The following AMPD3 variants were observed in gnomAD, a reference collection of about 807,000 sequenced individuals.
The protein encoded by AMPD3 is adenosine monophosphate deaminase 3.
In AMPD3, 57 loss-of-function variants were observed where a neutral mutation model predicts 82.3. The ratio of observed to expected loss-of-function variants is 0.69; its 90% CI spans 0.56 to 0.86. The LOEUF is 0.86. Among genes scored for constraint, AMPD3 ranks in the 40% least tolerant of loss-of-function variants. AMPD3 has a pLI of 0.00. For synonymous variants in AMPD3, 381 were observed against 394.7 expected, an observed-to-expected ratio of 0.97 and a Z score of 0.41; for missense variants, 870 against 1,003.8, an observed-to-expected ratio of 0.87 and a Z score of 1.80.
intron 9 of AMPD3, chr11:10,496,369 C>T (rs1849400231): frequency 1.0e-6 from 1 of 985,432 alleles, no homozygotes; most frequent in African/African-American, 1.7e-5. Context: ...CATTGCTGGC[C>T]TCTCCCTGGA....
chr11:10,460,008 G>T (rs1373046504), intron 1 of AMPD3, among the ~76,000 whole-genome samples: 1 of 148,078 alleles, frequency 6.8e-6, no homozygotes, highest in Admixed American at 6.8e-5. Flanking sequence ...GAAGTTCTTT[G>T]CAGAGTATAT....
intron 10 of AMPD3, among the ~76,000 whole-genome samples, chr11:10,497,243 G>T (rs1380355466): frequency 6.6e-6 from 1 of 152,170 alleles, no homozygotes; most frequent in Non-Finnish European, 1.5e-5. Flanking sequence ...GCCAGGTGGG[G>T]CTGGAAAGGC....
chr11:10,473,803 C>G (rs1245173069), intron 2 of AMPD3, among the ~76,000 whole-genome samples: 1 of 152,184 alleles, frequency 6.6e-6, no homozygotes, highest in Admixed American at 6.5e-5. Flanking sequence ...AATGCAGGGG[C>G]AGCGTGAGCA....
chr11:10,450,559 G>A (rs1847934428), upstream of AMPD3: 1 of 986,740 alleles, frequency 1.0e-6, no homozygotes, highest in Non-Finnish European at 1.2e-6. Flanking sequence ...GCCCGGCGGG[G>A]CCAGCGCAGT....
At chr11:10,503,261 T>C (rs1445947751) in intron 13 of AMPD3, among the ~76,000 whole-genome samples, 2 of 152,224 alleles carry the variant, frequency 1.3e-5, no homozygotes, top group Non-Finnish European at 2.9e-5. Context: ...ATGAAGATAA[T>C]GAATCAAAGG....
intron 2 of AMPD3, among the ~76,000 whole-genome samples, chr11:10,469,032 A>G (rs1848504575): frequency 6.6e-6 from 1 of 152,250 alleles, no homozygotes; most frequent in Non-Finnish European, 1.5e-5. Context: ...TGTCCACAAG[A>G]GAAAGCAGGA....
Position 10,456,312 on chromosome 11 carries a change from C to T in AMPD3, c.-6+864C>T, listed in dbSNP as rs748752289. The T allele has an allele frequency of 1.9e-5, 31 of 1,609,312 alleles. No individual in the cohort carries two copies. Among genetic ancestry groups the T allele is most frequent in the South Asian group, 4.4e-5 (4 of 90,750 alleles). On this transcript the variant is annotated intron_variant, in intron 1 of 14. Coordinates refer to ENST00000396553, the MANE Select transcript of AMPD3 (RefSeq NM_001025389.2). The surrounding 1 kb of genome is among the most constrained non-coding windows in gnomAD (Gnocchi z 4.3). ...CCAGCCAGCTGCACGCACGCACTGA[C>T]TCAGCTGAGCCTCCTGGGTGGCAGG...
At position 10,482,176 on chromosome 11, in the gene AMPD3, C is replaced by A; in HGVS notation, c.540C>A (p.Tyr180Ter). The change falls in exon 4 of 15, where the codon TAC (tyrosine) becomes TAA (stop). Residue 180 changes from tyrosine to a stop codon, truncating the protein, a stop_gained. Coordinates refer to ENST00000396553, the MANE Select transcript of AMPD3 (RefSeq NM_001025389.2). LOFTEE classifies it high-confidence loss of function. ...YHRFPRITSQ[Y>*]LGHPRADTAP... ...GCTTCCCGCGGATCACATCCCAGTA[C>A]CTGGGTCATCCGCGGGCGGATACTG... 6.2e-7 allele frequency: 1 copy of A among 1,613,768 alleles called. No homozygotes were observed. The highest frequency in any genetic ancestry group is 2.2e-5 in the East Asian group (1 of 44,888).
intron 2 of AMPD3, among the ~76,000 whole-genome samples, chr11:10,465,668 C>T (rs1230428307): frequency 6.6e-6 from 1 of 152,190 alleles, no homozygotes; most frequent in Non-Finnish European, 1.5e-5. Flanking sequence ...GCCTGAGGAA[C>T]TGTGCACTCT....
intron 1 of AMPD3, chr11:10,455,975 G>A (rs1322792161): frequency 3.3e-5 from 33 of 985,306 alleles, no homozygotes; most frequent in African/African-American, 7.0e-5. Context: ...GAGGCTGGGC[G>A]TTAGAGGGAG....
intron 1 of AMPD3, chr11:10,461,296 T>C (rs1313632800): frequency 6.5e-7 from 1 of 1,533,120 alleles, no homozygotes; most frequent in Non-Finnish European, 8.8e-7. Flanking sequence ...TTTTGAACAC[T>C]TGCTTTCTCC....
intron 2 of AMPD3, among the ~76,000 whole-genome samples, chr11:10,470,633 C>T (rs1162400597): frequency 6.6e-6 from 1 of 152,146 alleles, no homozygotes; most frequent in African/African-American, 2.4e-5. Flanking sequence ...GATAAAAAAT[C>T]AATGTGCAAA....
intron 8 of AMPD3, chr11:10,495,285 CGT>C: frequency 4.1e-6 from 4 of 985,434 alleles, no homozygotes; most frequent in Non-Finnish European, 4.8e-6. Flanking sequence ...GCCTGGCTTT[CGT>C]GTCTCTGCAG....
At chr11:10,504,113 C>T (rs1035146463) in intron 13 of AMPD3, 1 of 812,146 alleles carries the variant, frequency 1.2e-6, no homozygotes, top group Non-Finnish European at 1.4e-6. Context: ...TAGTACTTTA[C>T]TCATCTATCT....
chr11:10,466,829 A>G (rs1848436508), intron 2 of AMPD3, among the ~76,000 whole-genome samples: 1 of 152,212 alleles, frequency 6.6e-6, no homozygotes. Context: ...TCTGGGATGA[A>G]GCTTCCAGAG....
intron 2 of AMPD3, among the ~76,000 whole-genome samples, chr11:10,471,017 C>A (rs1848574275): frequency 1.3e-5 from 2 of 152,164 alleles, no homozygotes; most frequent in Non-Finnish European, 2.9e-5. Flanking sequence ...CAATTCTAAG[C>A]AAGAAGAACA....
At chr11:10,468,773 G>A (rs894370415) in intron 2 of AMPD3, among the ~76,000 whole-genome samples, 9 of 152,098 alleles carry the variant, frequency 5.9e-5, no homozygotes, top group Non-Finnish European at 1.3e-4. Context: ...GCAAAAGAAT[G>A]GAAATCATAA....
intron 6 of AMPD3, among the ~76,000 whole-genome samples, chr11:10,491,140 C>T (rs949513783): frequency 6.6e-6 from 1 of 152,212 alleles, no homozygotes; most frequent in Non-Finnish European, 1.5e-5. Context: ...GGGCTGAGCG[C>T]CCAGTCGGCC....
upstream of AMPD3, among the ~76,000 whole-genome samples, chr11:10,452,904 G>T (rs538712451): frequency 2.0e-5 from 3 of 152,244 alleles, no homozygotes; most frequent in African/African-American, 7.2e-5. Flanking sequence ...ACAACTAAGT[G>T]GTGGAACAGG....
Sources: gnomAD v4.1 joint callset for allele counts (sites outside exome capture counted in the v4.1 genomes callset) on GRCh38, gnomAD v4.1.1 for gene constraint, Gnocchi (gnomAD v3.1) non-coding constraint, MANE v1.5 for transcripts, NCBI Gene and HGNC (gene_info 2026-07-23, HGNC 2026-07-21) for gene names.